The following RYR3 variants were observed in gnomAD, a reference collection of about 807,000 sequenced individuals.
The protein encoded by RYR3 is ryanodine receptor 3, also known as brain ryanodine receptor-calcium release channel.
A neutral mutation model predicts 584.3 loss-of-function variants in RYR3; 207 were observed. The ratio of observed to expected loss-of-function variants is 0.35; its 90% CI spans 0.32 to 0.40. The LOEUF (loss-of-function observed/expected upper bound fraction) is 0.40. RYR3 is among the 10% of genes least tolerant of loss of function. RYR3 has a pLI of 1.00. For synonymous variants in RYR3, 2,416 were observed against 2,248.5 expected, an observed-to-expected ratio of 1.07 and a Z score of -2.11; for missense variants, 5,616 against 6,089.2, an observed-to-expected ratio of 0.92 and a Z score of 2.59.
At chr15:33,353,501 G>T (rs1973553047) in intron 1 of RYR3, among the ~76,000 whole-genome samples, 1 of 152,186 alleles carries the variant, frequency 6.6e-6, no homozygotes, top group Non-Finnish European at 1.5e-5. Flanking sequence ...CAGATTTGCT[G>T]TTAGATTGAA....
intron 1 of RYR3, among the ~76,000 whole-genome samples, chr15:33,456,970 T>C (rs2047614477): frequency 6.6e-6 from 1 of 152,226 alleles, no homozygotes; most frequent in African/African-American, 2.4e-5. Flanking sequence ...GCATAATGAC[T>C]AGAATTTTGT....
chr15:33,728,699 A>C (rs1409253379), intron 46 of RYR3, among the ~76,000 whole-genome samples, 158 bp from the exon 47 acceptor site: 1 of 152,218 alleles, frequency 6.6e-6, no homozygotes, highest in East Asian at 1.9e-4. Flanking sequence ...GGTGCATTTC[A>C]GGTTTCAGAT....
intron 62 of RYR3, among the ~76,000 whole-genome samples, chr15:33,770,697 T>C (rs62012648): frequency 0.39 from 59,419 of 151,870 alleles, 11,797 homozygotes; most frequent in South Asian, 0.52. Context: ...GAGAGGTCAC[T>C]GCACTCCAGC....
intron 16 of RYR3, among the ~76,000 whole-genome samples, chr15:33,599,878 T>G (rs969574978): frequency 1.9e-4 from 29 of 152,224 alleles, no homozygotes; most frequent in Non-Finnish European, 3.7e-4. Context: ...TTAGGCTGTG[T>G]GCTTTTTACA....
At chr15:33,558,413 C>T (rs1369626340) in intron 10 of RYR3, among the ~76,000 whole-genome samples, 1 of 151,216 alleles carries the variant, frequency 6.6e-6, no homozygotes, top group African/African-American at 2.4e-5. Flanking sequence ...CATGTCCCTA[C>T]AAAGGACATG....
chr15:33,465,444 G>A (rs948100146), intron 1 of RYR3, among the ~76,000 whole-genome samples: 2 of 152,032 alleles, frequency 1.3e-5, no homozygotes, highest in African/African-American at 2.4e-5. Context: ...GCATGCAAAG[G>A]TTCCCTTTTT....
intron 77 of RYR3, 41 bp downstream of exon 77, chr15:33,819,848 C>T: frequency 6.7e-7 from 1 of 1,487,218 alleles, no homozygotes; most frequent in Non-Finnish European, 9.2e-7. Flanking sequence ...GTCTTTCTGT[C>T]TTCCCTTAGA....
At position 33,731,318 on chromosome 15, in the gene RYR3, T is replaced by C. The variant is rs372350908; in HGVS notation, c.7204-156T>C. Among the ~76,000 whole-genome samples the C allele has an allele frequency of 7.7e-3, 1,164 of 151,856 alleles. 18 individuals carry two copies. Among genetic ancestry groups the C allele is most frequent in the African/African-American group, 0.027 (1,127 of 41,398 alleles). On this transcript the variant is annotated intron_variant, in intron 47 of 103. Transcript: ENST00000634891. ...TTCATTGAAAATGCAAAAAGAAAAA[T>C]AGAACTGCCGATAAGGTAGAAAGTT... is the stretch of plus-strand genomic sequence containing the variant.
intron 1 of RYR3, among the ~76,000 whole-genome samples, chr15:33,431,737 G>A: frequency 6.6e-6 from 1 of 152,164 alleles, no homozygotes; most frequent in East Asian, 1.9e-4. Flanking sequence ...CTGCACTCCA[G>A]CCTGAAAAAG....
In RYR3 at chr15:33,353,045, A is replaced by T. The variant is rs543572578; in HGVS notation, c.51+41949A>T. 8.5e-5 allele frequency among the ~76,000 whole-genome samples: 13 copies of T among 152,252 alleles called. No individual in the cohort carries two copies. In the South Asian group the frequency reaches 2.7e-3, roughly 32 times the overall value. On this transcript the variant is annotated intron_variant, in intron 1 of 103. Coordinates refer to ENST00000634891, the MANE Select transcript of RYR3 (RefSeq NM_001036.6). ...TGAAACCTTCTCTGACATTTATTAG[A>T]TAAAGTAGAAAGGTTTAGAGCAGCA...
In RYR3 at chr15:33,694,003, G is replaced by A. The variant is rs374180630; in HGVS notation, c.5861-2215G>A. On this transcript the variant is annotated intron_variant, in intron 38 of 103. Transcript: ENST00000634891. ...GGTTGGTGGAGCTCAGCACAGTTCC[G>A]GAGCACCAGGAGGACGTTACTTTTC... Among the ~76,000 whole-genome samples, 57 of 152,196 alleles carry A rather than the reference G, an allele frequency of 3.7e-4. No individual in the cohort carries two copies. In the South Asian group the frequency reaches 0.011, roughly 30 times the overall value.
chr15:33,362,434 G>GCAT (rs1567097190), intron 1 of RYR3, among the ~76,000 whole-genome samples: 1 of 152,174 alleles, frequency 6.6e-6, no homozygotes, highest in Non-Finnish European at 1.5e-5. Context: ...AGCAGCAGCA[G>GCAT]CAGCATCAGC....
At chr15:33,495,210 G>A (rs1313475610) in intron 2 of RYR3, among the ~76,000 whole-genome samples, 2 of 152,130 alleles carry the variant, frequency 1.3e-5, no homozygotes, top group East Asian at 1.9e-4. Context: ...ACTCAATAAC[G>A]GGGTATAAAG....
intron 43 of RYR3, among the ~76,000 whole-genome samples, chr15:33,711,235 ATTTTTTTTTT>A (rs143373949): frequency 1.3e-5 from 1 of 75,790 alleles, no homozygotes; most frequent in Non-Finnish European, 2.4e-5. Flanking sequence ...TCTTTCTTTC[ATTTTTTTTTT>A]TTTTTTTTTT....
intron 1 of RYR3, among the ~76,000 whole-genome samples, chr15:33,339,439 T>C (rs1176768263): frequency 6.6e-6 from 1 of 152,194 alleles, no homozygotes; most frequent in Non-Finnish European, 1.5e-5. Context: ...TCCAAGGTTA[T>C]GGTAGCCAGG....
chr15:33,532,898 C>T (rs944185610), intron 4 of RYR3, among the ~76,000 whole-genome samples: 12 of 152,136 alleles, frequency 7.9e-5, no homozygotes, highest in Non-Finnish European at 1.8e-4. Flanking sequence ...AGGAGGATCA[C>T]TTGAAGCCAG....
rs575530873 is a variant in RYR3 at position 33,671,539 on chromosome 15, G to A, written c.5860+983G>A. Among the ~76,000 whole-genome samples, 6 of 152,242 alleles carry A rather than the reference G, an allele frequency of 3.9e-5. No homozygotes were observed. In the South Asian group the frequency reaches 1.2e-3, roughly 32 times the overall value. On this transcript the variant is annotated intron_variant, in intron 38 of 103. Transcript: ENST00000634891. ...GAACAAATCTCACCATTTGTCATCG[G>A]AAGTATTGAAACCTCTGGAAGAGTG... is the stretch of plus-strand genomic sequence containing the variant.
rs3794572 is a variant in RYR3, at chr15:33,503,256, A to G, written c.172-375A>G. Among the ~76,000 whole-genome samples the G allele has an allele frequency of 7.2e-4, 110 of 152,250 alleles. 3 individuals carry two copies. In the East Asian group the frequency reaches 0.02, roughly 28 times the overall value. The stretch of plus-strand genomic sequence containing the variant: ...ATTATGGTCTGTCCACTGCCCTTTT[A>G]CAGATTATCGTGGATGAAATCCCAG... On this transcript the variant is annotated intron_variant, in intron 2 of 103. Transcript: ENST00000634891.
chr15:33,442,224 CT>C (rs1567244630), intron 1 of RYR3, among the ~76,000 whole-genome samples: 1 of 152,056 alleles, frequency 6.6e-6, no homozygotes, highest in Middle Eastern at 3.4e-3. Flanking sequence ...AATAAATTAC[CT>C]TTTTTCTAAG....
Sources: gnomAD v4.1 joint callset for allele counts (sites outside exome capture counted in the v4.1 genomes callset) on GRCh38, gnomAD v4.1.1 for gene constraint, MANE v1.5 for transcripts, NCBI Gene and HGNC (gene_info 2026-07-23, HGNC 2026-07-21) for gene names.